Variants in RAB6A observed in about 807,000 individuals in gnomAD.
The protein encoded by RAB6A is ras-related protein Rab-6A.
Under a neutral mutation model 32.3 loss-of-function variants are expected in RAB6A, and 8 were observed. That is an observed-to-expected ratio of 0.25 (90% CI 0.15 to 0.45). The LOEUF (loss-of-function observed/expected upper bound fraction) is 0.45. Among genes scored for constraint, RAB6A ranks in the 20% least tolerant of loss-of-function variants. RAB6A has a pLI of 1.00. For missense variants in RAB6A, 104 were observed against 249.4 expected (o/e 0.42, Z 3.93); for synonymous variants, 73 against 82.1 (o/e 0.89, Z 0.60).
At chr11:73,753,660 G>A (rs1445905686) in intron 1 of RAB6A, among the ~76,000 whole-genome samples, 7 of 151,818 alleles carry the variant, frequency 4.6e-5, no homozygotes, top group Non-Finnish European at 1.0e-4. Context: ...GCAGTGAGCC[G>A]AGATTGCGCC....
chr11:73,701,070 G>A (rs759202473), intron 6 of RAB6A, among the ~76,000 whole-genome samples: 3 of 152,144 alleles, frequency 2.0e-5, no homozygotes, highest in Non-Finnish European at 1.5e-5. Flanking sequence ...CTTTTATTAT[G>A]TGATGTGCAT....
chr11:73,677,838 G>T lies in RAB6A; in HGVS notation c.*60C>A. ...AGCCAATATTCACACTGCAGTCAAT[G>T]AAAGAGTAAGGGGGCCAAAGCAGTG... On this transcript the variant is annotated 3_prime_UTR_variant, in exon 8 of 8. Transcript: ENST00000336083. The T allele has an allele frequency of 1.9e-6, 3 of 1,610,930 alleles. No individual in the cohort carries two copies. Among genetic ancestry groups the T allele is most frequent in the Non-Finnish European group, 1.7e-6 (2 of 1,177,132 alleles).
At chr11:73,688,933 C>A (rs1017341293) in intron 6 of RAB6A, among the ~76,000 whole-genome samples, 2 of 152,102 alleles carry the variant, frequency 1.3e-5, no homozygotes, top group East Asian at 1.9e-4. Context: ...GAGTTCCAGA[C>A]CACCCTGGGC....
intron 1 of RAB6A, among the ~76,000 whole-genome samples, chr11:73,755,158 T>C (rs1946727686): frequency 1.3e-5 from 2 of 152,042 alleles, no homozygotes. Context: ...CTCAAACTTC[T>C]GGCCTCAAGT....
chr11:73,698,849 A>T (rs1168219909), intron 6 of RAB6A, among the ~76,000 whole-genome samples: 5 of 118,270 alleles, frequency 4.2e-5, no homozygotes, highest in African/African-American at 6.6e-5. Flanking sequence ...TTTTTTTGCG[A>T]TTTTTTTTTT....
At chr11:73,716,489 T>C in intron 4 of RAB6A, 127 bp from the exon 5 acceptor site, 1 of 589,524 alleles carries the variant, frequency 1.7e-6, no homozygotes, top group Non-Finnish European at 3.1e-6. Context: ...CCACTTTTAA[T>C]GTGCCTGCAA....
Position 73,757,098 on chromosome 11 carries a change from CATATATATATAT to C in RAB6A, c.70+3456_70+3467del, listed in dbSNP as rs1170100550. On this transcript the variant is annotated intron_variant, in intron 1 of 7. Coordinates refer to ENST00000336083, the MANE Select transcript of RAB6A (RefSeq NM_198896.2). ...GAGCGTAGTATCTTAAATATACATACATATATATATATATATATATATATATATATATTTTTT... is the reference window on the plus strand; with the variant it reads ...GAGCGTAGTATCTTAAATATACATACATATATATATATATATATATTTTTT... 3.3e-3 allele frequency among the ~76,000 whole-genome samples: 126 copies of C among 37,676 alleles called. 2 individuals carry two copies. The highest frequency in any genetic ancestry group is 0.012 in the African/African-American group (107 of 8,728). 24.7% of individuals were successfully genotyped at this position (37,676 alleles called of 152,430 possible).
intron 6 of RAB6A, among the ~76,000 whole-genome samples, chr11:73,706,572 A>C (rs559604079): frequency 2.6e-5 from 4 of 151,964 alleles, no homozygotes; most frequent in Admixed American, 1.3e-4. Context: ...ACTACCCTAC[A>C]TGATATACAG....
At chr11:73,703,941 A>T (rs1322627432) in intron 6 of RAB6A, among the ~76,000 whole-genome samples, 1 of 151,300 alleles carries the variant, frequency 6.6e-6, no homozygotes, top group Non-Finnish European at 1.5e-5. Flanking sequence ...GAGGCAGGAG[A>T]ACTGCTTGAA....
intron 5 of RAB6A, among the ~76,000 whole-genome samples, chr11:73,716,046 TAAAC>T (rs1467235247): frequency 6.6e-6 from 1 of 152,232 alleles, no homozygotes; most frequent in East Asian, 1.9e-4. Context: ...CACATGGGCT[TAAAC>T]AAAATAAAAT....
At chr11:73,692,600 A>G (rs1485854735) in intron 6 of RAB6A, among the ~76,000 whole-genome samples, 2 of 151,360 alleles carry the variant, frequency 1.3e-5, no homozygotes, top group African/African-American at 4.9e-5. Context: ...TTACATGCAT[A>G]AGAGGGTTAC....
At chr11:73,731,707 TATATATATATATATATATATATATACAC>T (rs1436403403) in intron 1 of RAB6A, among the ~76,000 whole-genome samples, 724 of 18,928 alleles carry the variant, frequency 0.038, 64 homozygotes, top group African/African-American at 0.1. Flanking sequence ...TATATATATA[TATATATATATATATATATATATATACAC>T]ACACACACAC....
intron 1 of RAB6A, among the ~76,000 whole-genome samples, chr11:73,759,636 T>G (rs1946811373): frequency 1.3e-5 from 2 of 152,142 alleles, no homozygotes; most frequent in Non-Finnish European, 2.9e-5. Flanking sequence ...AATATATCAT[T>G]GGAAAATACT....
intron 6 of RAB6A, among the ~76,000 whole-genome samples, chr11:73,685,588 G>GAAAAGTCTTTTTTTTTTTTTTTTTTT: frequency 1.1e-5 from 1 of 89,584 alleles, no homozygotes; most frequent in Non-Finnish European, 2.0e-5. Context: ...CGCCCGGACT[G>GAAAAGTCTTTTTTTTTTTTTTTTTTT]AAAGTAGCGA....
intron 1 of RAB6A, among the ~76,000 whole-genome samples, chr11:73,740,959 T>C (rs1946486607): frequency 6.6e-6 from 1 of 152,018 alleles, no homozygotes; most frequent in Non-Finnish European, 1.5e-5. Flanking sequence ...ATGAATGTGG[T>C]TGTATAGAAA....
chr11:73,681,177 A>T lies in RAB6A; in HGVS notation c.496-1457T>A, dbSNP rs528408531. On this transcript the variant is annotated intron_variant, in intron 6 of 7. Transcript: ENST00000336083. Reference sequence around the variant, plus strand: ...TCTGTGTCTTTGAGACACAGAAATGAACAAGAAAAAACAGTTTTTTAATTC... The same window carrying T: ...TCTGTGTCTTTGAGACACAGAAATGTACAAGAAAAAACAGTTTTTTAATTC... 3.9e-5 allele frequency among the ~76,000 whole-genome samples: 6 copies of T among 152,344 alleles called. No individual in the cohort carries two copies. In the East Asian group the frequency reaches 1.2e-3, roughly 29 times the overall value.
chr11:73,712,358 C>T (rs10751227), intron 5 of RAB6A, among the ~76,000 whole-genome samples: 137,107 of 150,308 alleles, frequency 0.91, 62,645 homozygotes, highest in East Asian at 1. Flanking sequence ...CTAGCTTTTC[C>T]TTTTTTTTTT....
rs907091016 is a variant in RAB6A at position 73,746,357 on chromosome 11, A to C, written c.70+14209T>G. ...AACATTTTCTCTATACACACACACA[A>C]AAAATAGCCAGGCACAGTGGCACAT... On this transcript the variant is annotated intron_variant, in intron 1 of 7. Transcript: ENST00000336083. Among the ~76,000 whole-genome samples the C allele has an allele frequency of 5.9e-5, 9 of 152,228 alleles. 1 individual carries two copies. Among genetic ancestry groups the C allele is most frequent in the Admixed American group, 3.3e-4 (5 of 15,282 alleles).
intron 1 of RAB6A, among the ~76,000 whole-genome samples, chr11:73,736,440 GA>G (rs1414405883): frequency 3.7e-5 from 5 of 135,658 alleles, no homozygotes; most frequent in Non-Finnish European, 8.1e-5. Context: ...AAAAAAAAAA[GA>G]AAAAGAAATT....
Sources: allele counts gnomAD v4.1 joint callset (sites outside exome capture counted in the v4.1 genomes callset), GRCh38; gene constraint gnomAD v4.1.1; transcripts MANE v1.5; gene names NCBI Gene and HGNC (gene_info 2026-07-23, HGNC 2026-07-21).